The following ARFGEF3 variants were observed in gnomAD, a reference collection of about 807,000 sequenced individuals.
The protein encoded by ARFGEF3 is ARFGEF family member 3.
A neutral mutation model predicts 221.7 loss-of-function variants in ARFGEF3; 96 were observed. That is an observed-to-expected ratio of 0.43 (90% CI 0.37 to 0.51). ARFGEF3 has a LOEUF of 0.51. Ranked by LOEUF, ARFGEF3 falls within the 20% of genes least tolerant of loss-of-function variation. The probability of loss-of-function intolerance (pLI) is 0.00; values close to 1 mark genes in which losing one functional copy is unlikely to be tolerated. For missense variants in ARFGEF3, 2,410 were observed against 2,789.9 expected, an observed-to-expected ratio of 0.86 and a Z score of 3.07; for synonymous variants, 1,145 against 1,126.8, an observed-to-expected ratio of 1.02 and a Z score of -0.32.
chr6:138,207,955 A>G (rs990602253), intron 3 of ARFGEF3, among the ~76,000 whole-genome samples: 9 of 152,212 alleles, frequency 5.9e-5, no homozygotes, highest in African/African-American at 1.9e-4. Flanking sequence ...GCAGATTGGA[A>G]TTAATGTATA....
chr6:138,175,684 G>A (rs1012764814), intron 2 of ARFGEF3, among the ~76,000 whole-genome samples: 1 of 152,180 alleles, frequency 6.6e-6, no homozygotes, highest in African/African-American at 2.4e-5. Flanking sequence ...CATAAGACTT[G>A]GAGGCTACCG....
Position 138,258,371 on chromosome 6 carries a change from A to G in ARFGEF3, c.1104+2602A>G, listed in dbSNP as rs371995683. ...TTACAAACTCCCTTAAGAAGATAAT[A>G]TTATGCCCATTTTCCAGATGGGAAA... On this transcript the variant is annotated intron_variant, in intron 10 of 33. Transcript: ENST00000251691. Among the ~76,000 whole-genome samples, 213 of 152,342 alleles carry G rather than the reference A, an allele frequency of 1.4e-3. 1 individual carries two copies. In the South Asian group the frequency reaches 0.023, roughly 16 times the overall value.
intron 31 of ARFGEF3, among the ~76,000 whole-genome samples, chr6:138,325,477 A>G (rs971519429): frequency 1.3e-5 from 2 of 152,228 alleles, no homozygotes; most frequent in African/African-American, 4.8e-5. Context: ...AAGGGAGCAC[A>G]TCCCACTGAA....
intron 31 of ARFGEF3, among the ~76,000 whole-genome samples, chr6:138,326,623 A>AG (rs2114688197): frequency 6.6e-6 from 1 of 152,338 alleles, no homozygotes; most frequent in Admixed American, 6.5e-5. Flanking sequence ...GGTGCTGGTG[A>AG]GGTCGTAGAG....
intron 2 of ARFGEF3, among the ~76,000 whole-genome samples, chr6:138,171,110 G>A (rs1206478538): frequency 2.0e-5 from 3 of 148,886 alleles, no homozygotes; most frequent in East Asian, 3.9e-4. Flanking sequence ...CAATACTGTT[G>A]CATTGGGGAT....
chr6:138,170,621 G>A, intron 1 of ARFGEF3, 41 bp from the exon 2 acceptor site: 1 of 1,130,928 alleles, frequency 8.8e-7, no homozygotes, highest in Non-Finnish European at 1.3e-6. Context: ...TATTCTCAGT[G>A]TTTAAATATT....
chr6:138,327,606 C>T (rs965591042), intron 31 of ARFGEF3, among the ~76,000 whole-genome samples: 1 of 152,266 alleles, frequency 6.6e-6, no homozygotes, highest in South Asian at 2.1e-4. Flanking sequence ...TATCAGTAAC[C>T]ATCAGTAATC....
rs183322898 is a variant in ARFGEF3, at chr6:138,276,503, A to G, written c.2129-1948A>G. 5.3e-5 allele frequency among the ~76,000 whole-genome samples: 8 copies of G among 152,324 alleles called. No individual in the cohort carries two copies. In the East Asian group the frequency reaches 1.3e-3, roughly 26 times the overall value. On this transcript the variant is annotated intron_variant, in intron 12 of 33. Transcript: ENST00000251691. ...TTTAGTAAGTATAAAATGTCTTTTA[A>G]AAGAAAAGATAGTGGGGAGAAAGTC...
intron 12 of ARFGEF3, among the ~76,000 whole-genome samples, chr6:138,274,937 G>A (rs962536095): frequency 1.3e-4 from 20 of 149,962 alleles, no homozygotes; most frequent in African/African-American, 4.4e-4. Flanking sequence ...GAGAAACCCC[G>A]TCTCTACTAA....
At chr6:138,181,707 G>A (rs1429209704) in intron 2 of ARFGEF3, among the ~76,000 whole-genome samples, 1 of 152,200 alleles carries the variant, frequency 6.6e-6, no homozygotes, top group Non-Finnish European at 1.5e-5. Context: ...GCCTCCCAAA[G>A]TGCTGGGATT....
At chr6:138,327,929 G>T in intron 31 of ARFGEF3, 92 bp from the exon 32 acceptor site, 1 of 991,636 alleles carries the variant, frequency 1.0e-6, no homozygotes, top group Non-Finnish European at 1.5e-6. Context: ...TTATAGATGA[G>T]GCTCAACTTG....
At chr6:138,218,522 G>T in intron 4 of ARFGEF3, 1 of 1,402,540 alleles carries the variant, frequency 7.1e-7, no homozygotes. Flanking sequence ...CACAATCTAA[G>T]GAAAACACCC....
At chr6:138,318,233 T>G (rs998810774) in intron 27 of ARFGEF3, among the ~76,000 whole-genome samples, 3 of 152,208 alleles carry the variant, frequency 2.0e-5, no homozygotes, top group Non-Finnish European at 4.4e-5. Context: ...TTTTATAGAA[T>G]TGCAAACCAC....
chr6:138,294,311 CTT>C (rs1779468061), intron 20 of ARFGEF3, among the ~76,000 whole-genome samples, 185 bp downstream of exon 20: 1 of 152,186 alleles, frequency 6.6e-6, no homozygotes, highest in Non-Finnish European at 1.5e-5. Context: ...TGGTGTAACT[CTT>C]TGTGAATGGA....
At chr6:138,268,408 C>T (rs1778936405) in intron 12 of ARFGEF3, among the ~76,000 whole-genome samples, 1 of 152,198 alleles carries the variant, frequency 6.6e-6, no homozygotes, top group Non-Finnish European at 1.5e-5. Context: ...TATCAGGGGG[C>T]TGCTTTCTCG....
In ARFGEF3 at chr6:138,255,657, G is replaced by C; in HGVS notation, c.992G>C (p.Arg331Pro). 1.9e-6 allele frequency: 3 copies of C among 1,613,710 alleles called. No homozygotes were observed. The South Asian group carries it at 3.3e-5, about 18-fold the overall frequency. ...TATTACATCGCAGCCGAGCTGGTCC[G>C]GCTGGTGGGGTCTGTGGACTCCATG... ...TIYYIAAELV[R>P]LVGSVDSMKP... Residue 331 changes from arginine (R) to proline (P), a missense_variant, in exon 10 of 34, where the codon CGG becomes CCG. Arg to Pro is a moderately radical substitution (Grantham distance 103, BLOSUM62 -2). Around this residue, in one of 5 missense-constraint regions of ARFGEF3, gnomAD observed 570 missense variants for 586.9 expected, o/e 0.97. Transcript: ENST00000251691.
Position 138,187,096 on chromosome 6 carries a change from G to A in ARFGEF3, c.137+16383G>A, listed in dbSNP as rs185650007. 2.3e-3 allele frequency among the ~76,000 whole-genome samples: 348 copies of A among 151,726 alleles called. 1 individual carries two copies. Among genetic ancestry groups the A allele is most frequent in the African/African-American group, 7.8e-3 (322 of 41,396 alleles). On this transcript the variant is annotated intron_variant, in intron 2 of 33. Coordinates refer to ENST00000251691, the MANE Select transcript of ARFGEF3 (RefSeq NM_020340.5). ...ACACCCAGCTAATGTTGTATTTTTCGTAGAGATAGGGTTTCTCCATGTTGA... is the reference window on the plus strand; with the variant it reads ...ACACCCAGCTAATGTTGTATTTTTCATAGAGATAGGGTTTCTCCATGTTGA...
intron 2 of ARFGEF3, among the ~76,000 whole-genome samples, chr6:138,176,235 G>A (rs945478428): frequency 6.8e-6 from 1 of 146,306 alleles, no homozygotes; most frequent in Non-Finnish European, 1.5e-5. Context: ...AGGCTGAAGT[G>A]CAGTGGTGCA....
intron 22 of ARFGEF3, among the ~76,000 whole-genome samples, chr6:138,300,392 A>G (rs140950125): frequency 3.4e-4 from 52 of 152,326 alleles, no homozygotes; most frequent in Middle Eastern, 3.4e-3. Flanking sequence ...CTTTATACCA[A>G]TAAGAGTGAA....
Sources: gnomAD v4.1 joint callset for allele counts (sites outside exome capture counted in the v4.1 genomes callset) on GRCh38, gnomAD v4.1.1 for gene constraint, gnomAD v4.1.1 regional missense constraint, MANE v1.5 for transcripts, NCBI Gene and HGNC (gene_info 2026-07-23, HGNC 2026-07-21) for gene names.